ABHD16A: variants seen among roughly 807,000 people sequenced by gnomAD.
ABHD16A encodes the protein phosphatidylserine lipase ABHD16A.
A neutral mutation model predicts 89.8 loss-of-function variants in ABHD16A; 47 were observed. That is an observed-to-expected ratio of 0.52 (90% CI 0.41 to 0.67). ABHD16A has a LOEUF of 0.67. ABHD16A is among the 30% of genes least tolerant of loss of function. ABHD16A has a pLI of 0.00. For missense variants in ABHD16A, 580 were observed against 734.6 expected (o/e 0.79, Z 2.43); for synonymous variants, 251 against 280.4 (o/e 0.90, Z 1.05).
At chr6:31,696,163 CAA>C (rs59018866) in intron 5 of ABHD16A, among the ~76,000 whole-genome samples, 13 of 69,636 alleles carry the variant, frequency 1.9e-4, no homozygotes, top group Admixed American at 3.2e-4. Flanking sequence ...GACTCCGTCT[CAA>C]AAAAAAAAAA....
chr6:31,701,226 C>T, intron 3 of ABHD16A, 48 bp downstream of exon 3: 1 of 1,569,380 alleles, frequency 6.4e-7, no homozygotes, highest in Admixed American at 1.7e-5. Context: ...GCTCATCTGC[C>T]AACAACCTGC....
rs1229032914 is a variant in ABHD16A, at chr6:31,703,166, G to C, written c.116C>G (p.Pro39Arg). 1 of 1,434,634 alleles carries C rather than the reference G, an allele frequency of 7.0e-7. No individual in the cohort carries two copies. The highest frequency in any genetic ancestry group is 2.7e-5 in the Admixed American group (1 of 37,658). 88.9% of individuals were successfully genotyped at this position (1,434,634 alleles called of 1,614,324 possible). A position where few individuals can be genotyped will look rare whatever the true frequency, so the allele number is the denominator to read the frequency against. ...VPETPTAVTA[P>R]HSSSWDTYYQ... is the part of the protein sequence containing the mutation. The stretch of plus-strand genomic sequence containing the variant: ...TCGACTCACCCAGGAGCTGGAATGG[G>C]GGGCAGTGACTGCCGTTGGCGTCTC... Residue 39 changes from proline (P) to arginine (R), a missense_variant, in exon 1 of 20, where the codon CCC becomes CGC. Pro to Arg is a moderately radical substitution (Grantham distance 103, BLOSUM62 -2). Around this residue, in one of 2 missense-constraint regions of ABHD16A, gnomAD observed 165 missense variants for 165.8 expected, o/e 1.00. Coordinates refer to ENST00000395952, the MANE Select transcript of ABHD16A (RefSeq NM_021160.3).
At position 31,703,310 on chromosome 6, in the gene ABHD16A, G is replaced by T; in HGVS notation, c.-29C>A. The T allele has an allele frequency of 7.5e-7, 1 of 1,335,784 alleles. No individual in the cohort carries two copies. Among genetic ancestry groups the T allele is most frequent in the Non-Finnish European group, 9.7e-7 (1 of 1,031,938 alleles). 82.7% of individuals were successfully genotyped at this position (1,335,784 alleles called of 1,614,324 possible). ...CCCGGCTCGGGCCGCTGCTCTTCCA[G>T]CAGCAGGTCCCCCTGCCGGCCCCGC... On this transcript the variant is annotated 5_prime_UTR_variant, in exon 1 of 20. The change creates a new upstream start codon in the 5' untranslated region. Transcript: ENST00000395952.
At chr6:31,701,544 T>G (rs766819777) in intron 2 of ABHD16A, among the ~76,000 whole-genome samples, 1 of 152,198 alleles carries the variant, frequency 6.6e-6, no homozygotes, top group African/African-American at 2.4e-5. Flanking sequence ...GAAAATTTGG[T>G]ACAGGCTCTA....
chr6:31,689,959 G>A (rs1283593451), intron 11 of ABHD16A, 119 bp downstream of exon 11: 2 of 1,254,074 alleles, frequency 1.6e-6, no homozygotes, highest in Non-Finnish European at 2.2e-6. Context: ...CTAGACCCCA[G>A]CCCTCAGGTG....
Position 31,687,011 on chromosome 6 carries a change from GC to G in ABHD16A, c.*200del, listed in dbSNP as rs1803354674. On this transcript the variant is annotated 3_prime_UTR_variant, in exon 20 of 20. Transcript: ENST00000395952. This position sits in a 1 kb window ranked among gnomAD's most constrained non-coding sequence, Gnocchi z 6.3. ...ATTAGGAATAATCCATTCATGTAAT[GC>G]AGGATGTATGTTGGAGAAGGTTAAG... The G allele has an allele frequency of 1.7e-6, 1 of 590,524 alleles. No homozygotes were observed. The highest frequency in any genetic ancestry group is 3.0e-6 in the Non-Finnish European group (1 of 328,836). The allele number at this position is 590,524 out of a possible 1,614,324, so 36.6% of individuals were successfully genotyped here. A position where few individuals can be genotyped will look rare whatever the true frequency, so the allele number is the denominator to read the frequency against.
In ABHD16A at chr6:31,688,507, C is replaced by T. The variant is rs1481682384; in HGVS notation, c.1251-202G>A. The T allele has an allele frequency of 1.9e-5, 15 of 778,022 alleles. No homozygotes were observed. 48.2% of individuals were successfully genotyped at this position (778,022 alleles called of 1,614,324 possible). On this transcript the variant is annotated intron_variant, in intron 14 of 19. Transcript: ENST00000395952. The surrounding 1 kb of genome is among the most constrained non-coding windows in gnomAD (Gnocchi z 4.9). ...CCCTGCTGGGAGACCCCTGCCGTGC[C>T]AGGCCTTAACCCTTTGGTTGCCAGA...
Position 31,688,171 on chromosome 6 carries a change from T to C in ABHD16A, c.1308-68A>G. The C allele has an allele frequency of 6.2e-7, 1 of 1,605,686 alleles. No individual in the cohort carries two copies. ...GAGGAAGGGTCTAGATACCCAGGTT[T>C]CTGGTGGGCAGAGGTAGAAGGGACA... On this transcript the variant is annotated intron_variant, in intron 15 of 19. Transcript: ENST00000395952. The surrounding 1 kb of genome is among the most constrained non-coding windows in gnomAD (Gnocchi z 4.9).
At chr6:31,702,957 G>A in intron 1 of ABHD16A, 193 bp downstream of exon 1, 1 of 1,296,928 alleles carries the variant, frequency 7.7e-7, no homozygotes, top group East Asian at 3.1e-5. Flanking sequence ...GCGGTAAAGA[G>A]CGAAAAAGAA....
intron 2 of ABHD16A, 50 bp from the exon 3 acceptor site, chr6:31,701,390 C>T (rs568253045): frequency 8.1e-7 from 1 of 1,231,272 alleles, no homozygotes; most frequent in South Asian, 1.3e-5. Context: ...CACACACACA[C>T]CTGCCATTCC....
Position 31,688,982 on chromosome 6 carries a change from C to T in ABHD16A, c.1186+33G>A. The T allele has an allele frequency of 1.3e-6, 2 of 1,592,164 alleles. No homozygotes were observed. Among genetic ancestry groups the T allele is most frequent in the South Asian group, 1.1e-5 (1 of 89,118 alleles). ...AGTTCCCAGTTCCAGCCCACCCCTT[C>T]CCAGGAAGGGCAGGCCTGGGAGCTG... On this transcript the variant is annotated intron_variant, in intron 13 of 19. Coordinates refer to ENST00000395952, the MANE Select transcript of ABHD16A (RefSeq NM_021160.3). The surrounding 1 kb of genome is among the most constrained non-coding windows in gnomAD (Gnocchi z 4.9).
At position 31,687,985 on chromosome 6, in the gene ABHD16A, G is replaced by C; in HGVS notation, c.1370+56C>G. On this transcript the variant is annotated intron_variant, in intron 16 of 19. Coordinates refer to ENST00000395952, the MANE Select transcript of ABHD16A (RefSeq NM_021160.3). The surrounding 1 kb of genome is among the most constrained non-coding windows in gnomAD (Gnocchi z 6.3). ...CCTTCCTCCCTCCTTCCCTGTGCTG[G>C]TATCAGTATCTGTGTGTGTACACTG... 3 of 1,612,044 alleles carry C rather than the reference G, an allele frequency of 1.9e-6. No individual in the cohort carries two copies. In the South Asian group the frequency reaches 3.3e-5, roughly 18 times the overall value.
At chr6:31,692,804 C>G (rs1804020860) in intron 7 of ABHD16A, 2 of 292,526 alleles carry the variant, frequency 6.8e-6, no homozygotes, top group Non-Finnish European at 1.3e-5. Flanking sequence ...TTGTTCATAT[C>G]CCAGTTCTTT....
At chr6:31,700,263 T>G (rs954237593) in intron 4 of ABHD16A, among the ~76,000 whole-genome samples, 6 of 151,712 alleles carry the variant, frequency 4.0e-5, no homozygotes, top group Admixed American at 3.3e-4. Flanking sequence ...GTAGCTGGGA[T>G]TACAGGCACG....
At chr6:31,700,797 C>A in intron 4 of ABHD16A, 145 bp downstream of exon 4, 1 of 661,600 alleles carries the variant, frequency 1.5e-6, no homozygotes, top group South Asian at 2.0e-5. Context: ...TAACCCAAGT[C>A]TTTTAAGGAA....
intron 5 of ABHD16A, 58 bp downstream of exon 5, chr6:31,696,890 G>T: frequency 6.6e-7 from 1 of 1,510,486 alleles, no homozygotes; most frequent in Non-Finnish European, 9.2e-7. Flanking sequence ...TGCTCTGAGG[G>T]ACAACTGAGA....
intron 1 of ABHD16A, chr6:31,702,733 G>C: frequency 6.5e-7 from 1 of 1,541,372 alleles, no homozygotes; most frequent in Non-Finnish European, 8.7e-7. Flanking sequence ...CAAGGCGAGG[G>C]TAAAGGGAAG....
Position 31,687,251 on chromosome 6 carries a change from T to TGCCA in ABHD16A, c.1637_1638insTGGC (p.Leu547GlyfsTer47). 6.2e-7 allele frequency: 1 copy of TGCCA among 1,612,416 alleles called. No individual in the cohort carries two copies. The highest frequency in any genetic ancestry group is 8.5e-7 in the Non-Finnish European group (1 of 1,179,830). On this transcript the variant is annotated frameshift_variant, in exon 20 of 20. Coordinates refer to ENST00000395952, the MANE Select transcript of ABHD16A (RefSeq NM_021160.3). LOFTEE classifies it high-confidence loss of function. This position sits in a 1 kb window ranked among gnomAD's most constrained non-coding sequence, Gnocchi z 6.3. ...GCATCTGGAAGTTCTGGGCTGGGAG[T>TGCCA]GGGGTGCAGTGAGTGGCCTCAAAGT...
Position 31,698,651 on chromosome 6 carries a change from A to G in ABHD16A, c.344-1618T>C, listed in dbSNP as rs1804620268. 6.6e-6 allele frequency among the ~76,000 whole-genome samples: 1 copy of G among 152,238 alleles called. No individual in the cohort carries two copies. The highest frequency in any genetic ancestry group is 2.4e-5 in the African/African-American group (1 of 41,542). The stretch of plus-strand genomic sequence containing the variant: ...CAAGCGCCCGCCACCATGCACAGCT[A>G]ATTTTTTCTGTATTTTTTCTAAATT... On this transcript the variant is annotated intron_variant, in intron 4 of 19. Coordinates refer to ENST00000395952, the MANE Select transcript of ABHD16A (RefSeq NM_021160.3). This position sits in a 1 kb window ranked among gnomAD's most constrained non-coding sequence, Gnocchi z 4.1.
Sources: allele counts gnomAD v4.1 joint callset (sites outside exome capture counted in the v4.1 genomes callset), GRCh38; gene constraint gnomAD v4.1.1; regional missense constraint gnomAD v4.1.1; non-coding constraint Gnocchi (gnomAD v3.1); transcripts MANE v1.5; gene names NCBI Gene and HGNC (gene_info 2026-07-23, HGNC 2026-07-21).